STAG1: variants seen among roughly 807,000 people sequenced by gnomAD.
The protein encoded by STAG1 is cohesin subunit SA-1.
STAG1 carries 26 observed loss-of-function variants against 170.9 expected under a neutral mutation model. The ratio of observed to expected loss-of-function variants is 0.15; its 90% CI spans 0.11 to 0.21. The LOEUF is 0.21. Ranked by LOEUF, STAG1 falls within the 10% of genes least tolerant of loss-of-function variation. STAG1 has a pLI of 1.00. For missense variants in STAG1, 964 were observed against 1,509.5 expected (o/e 0.64, Z 5.99); for synonymous variants, 514 against 497.7 (o/e 1.03, Z -0.44).
intron 5 of STAG1, among the ~76,000 whole-genome samples, chr3:136,543,259 T>C (rs951900363): frequency 1.3e-5 from 2 of 152,122 alleles, no homozygotes; most frequent in African/African-American, 2.4e-5. Flanking sequence ...AAATTATGAA[T>C]AAATACATTT....
At chr3:136,568,964 C>T (rs986518540) in intron 4 of STAG1, 103 bp from the exon 5 acceptor site, 47 of 748,092 alleles carry the variant, frequency 6.3e-5, no homozygotes, top group Middle Eastern at 3.9e-4. Flanking sequence ...TCTATCTGAA[C>T]GAGAAAATTA....
chr3:136,570,559 T>G (rs1937233483), intron 4 of STAG1, among the ~76,000 whole-genome samples: 1 of 152,200 alleles, frequency 6.6e-6, no homozygotes, highest in Non-Finnish European at 1.5e-5. Context: ...AGCAGATCTG[T>G]TAACACACGT....
intron 21 of STAG1, among the ~76,000 whole-genome samples, chr3:136,406,656 A>G (rs1050419009): frequency 1.3e-5 from 2 of 152,238 alleles, no homozygotes; most frequent in African/African-American, 2.4e-5. Context: ...GATATAAAGT[A>G]GCAAACGATT....
At chr3:136,356,551 T>C (rs796083005) in intron 28 of STAG1, among the ~76,000 whole-genome samples, 1 of 152,150 alleles carries the variant, frequency 6.6e-6, no homozygotes, top group Admixed American at 6.5e-5. Context: ...TGGCTAATTT[T>C]AAAATTTTTT....
At chr3:136,532,660 CA>C (rs1304881544) in intron 6 of STAG1, among the ~76,000 whole-genome samples, 1 of 152,038 alleles carries the variant, frequency 6.6e-6, no homozygotes, top group East Asian at 1.9e-4. Flanking sequence ...GACTGAAGGA[CA>C]AAAACCCTAT....
intron 6 of STAG1, among the ~76,000 whole-genome samples, chr3:136,528,367 G>A (rs1373118693): frequency 6.6e-6 from 1 of 152,036 alleles, no homozygotes; most frequent in Non-Finnish European, 1.5e-5. Flanking sequence ...GTGGGCATGG[G>A]ACCCTCTGAG....
intron 1 of STAG1, among the ~76,000 whole-genome samples, chr3:136,696,133 G>A (rs1482195608): frequency 6.6e-6 from 1 of 152,180 alleles, no homozygotes; most frequent in Non-Finnish European, 1.5e-5. Flanking sequence ...AAAGCTTGTT[G>A]ACATTAGCAA....
intron 15 of STAG1, among the ~76,000 whole-genome samples, chr3:136,441,345 C>T (rs534198452): frequency 6.6e-6 from 1 of 152,160 alleles, no homozygotes; most frequent in South Asian, 2.1e-4. Flanking sequence ...GGACCACTTT[C>T]TTACTAAGGA....
intron 6 of STAG1, among the ~76,000 whole-genome samples, 183 bp downstream of exon 6, chr3:136,541,936 C>T (rs1364792039): frequency 1.3e-5 from 2 of 152,114 alleles, no homozygotes; most frequent in Non-Finnish European, 2.9e-5. Context: ...ATACTCCACA[C>T]AACATAATCA....
chr3:136,484,053 T>C (rs2089947378), intron 9 of STAG1, among the ~76,000 whole-genome samples: 2 of 117,992 alleles, frequency 1.7e-5, no homozygotes, highest in Admixed American at 9.2e-5. Context: ...AGTAATTTGA[T>C]CGTCTGAAGC....
chr3:136,680,064 A>G (rs1942282434), intron 1 of STAG1, among the ~76,000 whole-genome samples: 2 of 152,086 alleles, frequency 1.3e-5, no homozygotes, highest in Non-Finnish European at 2.9e-5. Flanking sequence ...AGCCATGAAA[A>G]TAATAAACTA....
intron 3 of STAG1, among the ~76,000 whole-genome samples, chr3:136,612,171 A>G (rs1275212681): frequency 3.9e-5 from 6 of 152,102 alleles, no homozygotes; most frequent in South Asian, 2.1e-4. Flanking sequence ...TTATATGGCT[A>G]TATGTTCGGA....
chr3:136,596,778 G>A (rs1355422724), intron 4 of STAG1, among the ~76,000 whole-genome samples: 1 of 152,150 alleles, frequency 6.6e-6, no homozygotes, highest in Non-Finnish European at 1.5e-5. Context: ...TTTAAATGCA[G>A]TAAATAATTT....
At chr3:136,492,365 T>C (rs918451155) in intron 9 of STAG1, among the ~76,000 whole-genome samples, 33 of 152,186 alleles carry the variant, frequency 2.2e-4, no homozygotes, top group Admixed American at 9.2e-4. Flanking sequence ...TCTACAAGGA[T>C]AATAGGTTGA....
chr3:136,376,521 G>A (rs1469769137), intron 23 of STAG1, among the ~76,000 whole-genome samples: 1 of 152,046 alleles, frequency 6.6e-6, no homozygotes, highest in African/African-American at 2.4e-5. Flanking sequence ...GAAACTCCTT[G>A]CCCTACAGTC....
chr3:136,469,944 GA>G (rs1244928738), intron 12 of STAG1, among the ~76,000 whole-genome samples: 1 of 152,204 alleles, frequency 6.6e-6, no homozygotes, highest in East Asian at 1.9e-4. Flanking sequence ...GTAGAAAGCT[GA>G]AACTGGATCC....
At chr3:136,432,236 A>T in intron 16 of STAG1, among the ~76,000 whole-genome samples, 1 of 152,096 alleles carries the variant, frequency 6.6e-6, no homozygotes, top group South Asian at 2.1e-4. Context: ...TGTACTTCTC[A>T]CCAGAAATTC....
chr3:136,484,301 G>A (rs1258621186), intron 9 of STAG1, among the ~76,000 whole-genome samples: 5 of 151,262 alleles, frequency 3.3e-5, no homozygotes, highest in African/African-American at 7.3e-5. Flanking sequence ...CTAACAGACA[G>A]GACCCTCAGC....
chr3:136,610,015 TG>T (rs1178834190), intron 3 of STAG1, among the ~76,000 whole-genome samples: 1 of 152,202 alleles, frequency 6.6e-6, no homozygotes, highest in Non-Finnish European at 1.5e-5. Context: ...TTCTATTGCA[TG>T]TTTTTTTATA....
Sources: allele counts gnomAD v4.1 joint callset (sites outside exome capture counted in the v4.1 genomes callset), GRCh38; gene constraint gnomAD v4.1.1; transcripts MANE v1.5; gene names NCBI Gene and HGNC (gene_info 2026-07-23, HGNC 2026-07-21).